The following RGP1 variants were observed in gnomAD, a reference collection of about 807,000 sequenced individuals.
The protein encoded by RGP1 is RAB6A-GEF complex partner protein 2.
Under a neutral mutation model 44.5 loss-of-function variants are expected in RGP1, and 28 were observed. That is an observed-to-expected ratio of 0.63 (90% confidence interval 0.47 to 0.86). RGP1 has a LOEUF of 0.86. Among genes scored for constraint, RGP1 ranks in the 40% least tolerant of loss-of-function variants. The pLI, the probability that RGP1 is intolerant of heterozygous loss-of-function variation, is 0.00. For missense variants in RGP1, 417 were observed against 490.7 expected (o/e 0.85, Z 1.42); for synonymous variants, 212 against 196.7 (o/e 1.08, Z -0.65).
chr9:35,758,023 T>C lies in RGP1; in HGVS notation c.*5149T>C, dbSNP rs939870355. The C allele has an allele frequency of 6.6e-6, 1 of 152,280 alleles. No individual in the cohort carries two copies. Among genetic ancestry groups the C allele is most frequent in the Non-Finnish European group, 1.5e-5 (1 of 68,050 alleles). The allele number at this position is 152,280 out of a possible 1,614,324, so 9.4% of individuals were successfully genotyped here. ...TATGGTATTCAGCCTTTTTCTTGTTTGGCTTTTGTGCCATTTGCCCCTCAC... is the reference window on the plus strand; with the variant it reads ...TATGGTATTCAGCCTTTTTCTTGTTCGGCTTTTGTGCCATTTGCCCCTCAC... On this transcript the variant is annotated 3_prime_UTR_variant, in exon 9 of 9. Transcript: ENST00000378078.
At chr9:35,761,176 C>T (rs1827413216), downstream of RGP1, among the ~76,000 whole-genome samples, 1 of 152,132 alleles carries the variant, frequency 6.6e-6, no homozygotes, top group African/African-American at 2.4e-5. Flanking sequence ...ACTACATTTC[C>T]CTGGGAGTTG....
At position 35,756,196 on chromosome 9, in the gene RGP1, G is replaced by T. The variant is rs1213443731; in HGVS notation, c.*3322G>T. 6.6e-6 allele frequency: 1 copy of T among 152,218 alleles called. No individual in the cohort carries two copies. Among genetic ancestry groups the T allele is most frequent in the Admixed American group, 6.5e-5 (1 of 15,274 alleles). 9.4% of individuals were successfully genotyped at this position (152,218 alleles called of 1,614,324 possible). On this transcript the variant is annotated 3_prime_UTR_variant, in exon 9 of 9. Coordinates refer to ENST00000378078, the MANE Select transcript of RGP1 (RefSeq NM_001080496.3). The stretch of plus-strand genomic sequence containing the variant: ...CCATGTTCTAGGTATTCTCCATAGG[G>T]ATAGTCTCTTTGGCATTTATTTGGT...
chr9:35,774,409 A>G, the RGP1 span, among the ~76,000 whole-genome samples: 1 of 152,226 alleles, frequency 6.6e-6, no homozygotes, highest in Non-Finnish European at 1.5e-5. Flanking sequence ...TTTGGAGGAA[A>G]GGATGTTGCT....
At chr9:35,752,374 G>A (rs1264086026) in intron 8 of RGP1, among the ~76,000 whole-genome samples, 1 of 152,110 alleles carries the variant, frequency 6.6e-6, no homozygotes, top group East Asian at 1.9e-4. Context: ...TACCTACTAG[G>A]ACCCTGTGAT....
Position 35,752,817 on chromosome 9 carries a change from C to T in RGP1, c.1119C>T (p.Ser373=), listed in dbSNP as rs1212276108. The change falls in exon 9 of 9, where the codon AGC becomes AGT. Residue 373 remains serine (S), a synonymous_variant. Coordinates refer to ENST00000378078, the MANE Select transcript of RGP1 (RefSeq NM_001080496.3). ...WDLPIKVLPT[S]PTLASYAAPG... ...TGCCCATCAAGGTGCTGCCTACTAG[C>T]CCCACCCTGGCCTCATATGCTGCCC... The T allele has an allele frequency of 6.2e-7, 1 of 1,613,874 alleles. No homozygotes were observed. The highest frequency in any genetic ancestry group is 2.2e-5 in the East Asian group (1 of 44,868).
At chr9:35,761,978 A>AC (rs1827421972), downstream of RGP1, among the ~76,000 whole-genome samples, 1 of 151,256 alleles carries the variant, frequency 6.6e-6, no homozygotes. Flanking sequence ...ACATGGTAAA[A>AC]CCCCCCATCT....
Position 35,749,493 on chromosome 9 carries a change from T to C in RGP1, c.-20+85T>C, listed in dbSNP as rs1463006658. The C allele has an allele frequency of 1.5e-6, 1 of 657,826 alleles. No individual in the cohort carries two copies. The highest frequency in any genetic ancestry group is 2.0e-5 in the Admixed American group (1 of 50,620). The allele number at this position is 657,826 out of a possible 1,614,324, so 40.7% of individuals were successfully genotyped here. ...GGCCAGTTTGGGAACTCCGCGGGGG[T>C]GCCCAGGGAGAAGAACCCGTCGCAC... is the stretch of plus-strand genomic sequence containing the variant. On this transcript the variant is annotated intron_variant, in intron 1 of 8. Coordinates refer to ENST00000378078, the MANE Select transcript of RGP1 (RefSeq NM_001080496.3). The surrounding 1 kb of genome is among the most constrained non-coding windows in gnomAD (Gnocchi z 4.4).
At chr9:35,750,770 C>G in intron 4 of RGP1, 29 bp downstream of exon 4, 1 of 1,613,792 alleles carries the variant, frequency 6.2e-7, no homozygotes, top group Non-Finnish European at 8.5e-7. Flanking sequence ...CCCTGAATTG[C>G]CTTCTAAGTC....
chr9:35,750,615 C>T, intron 3 of RGP1, 43 bp from the exon 4 acceptor site: 1 of 1,596,140 alleles, frequency 6.3e-7, no homozygotes, highest in Non-Finnish European at 8.6e-7. Context: ...TTGTTCAGTA[C>T]TGGACAATGG....
At chr9:35,789,651 G>A in the RGP1 span, among the ~76,000 whole-genome samples, 4 of 149,618 alleles carry the variant, frequency 2.7e-5, no homozygotes, top group Admixed American at 2.6e-4. Flanking sequence ...TGATGCACTT[G>A]TACTTGCGTA....
chr9:35,753,287 A>T lies in RGP1; in HGVS notation c.*413A>T. 6.2e-7 allele frequency: 1 copy of T among 1,612,534 alleles called. No homozygotes were observed. Among genetic ancestry groups the T allele is most frequent in the Non-Finnish European group, 8.5e-7 (1 of 1,179,770 alleles). On this transcript the variant is annotated 3_prime_UTR_variant, in exon 9 of 9. Transcript: ENST00000378078. The surrounding 1 kb of genome is among the most constrained non-coding windows in gnomAD (Gnocchi z 4.2). ...GTCGATGGGATGCTGGGACCTGGGGAACCAAGGATAGGGGAAGGAGTCAGC... is the reference window on the plus strand; with the variant it reads ...GTCGATGGGATGCTGGGACCTGGGGTACCAAGGATAGGGGAAGGAGTCAGC...
At chr9:35,785,860 C>G in the RGP1 span, among the ~76,000 whole-genome samples, 1 of 152,116 alleles carries the variant, frequency 6.6e-6, no homozygotes, top group African/African-American at 2.4e-5. Flanking sequence ...GTTGTTTCTT[C>G]CCTCAGATTA....
chr9:35,789,080 C>T, the RGP1 span, among the ~76,000 whole-genome samples: 4 of 151,916 alleles, frequency 2.6e-5, no homozygotes, highest in East Asian at 1.9e-4. Flanking sequence ...CACAGTGGCG[C>T]GATCTCTGCT....
At position 35,753,332 on chromosome 9, in the gene RGP1, A is replaced by G; in HGVS notation, c.*458A>G. The G allele has an allele frequency of 6.4e-7, 1 of 1,572,274 alleles. No individual in the cohort carries two copies. Among genetic ancestry groups the G allele is most frequent in the Non-Finnish European group, 8.6e-7 (1 of 1,156,662 alleles). On this transcript the variant is annotated 3_prime_UTR_variant, in exon 9 of 9. Coordinates refer to ENST00000378078, the MANE Select transcript of RGP1 (RefSeq NM_001080496.3). This position sits in a 1 kb window ranked among gnomAD's most constrained non-coding sequence, Gnocchi z 4.2. ...GTCAGCACAGTGAAAGGCTGCCTTT[A>G]TCCCTGCCCACATGTTCCCTCTCTC...
the RGP1 span, among the ~76,000 whole-genome samples, chr9:35,767,355 C>G: frequency 9.2e-6 from 1 of 109,010 alleles, no homozygotes; most frequent in Non-Finnish European, 1.7e-5. Context: ...GATCTCTTTT[C>G]TGATAGCCAG....
chr9:35,775,553 T>A, the RGP1 span, among the ~76,000 whole-genome samples: 2 of 152,206 alleles, frequency 1.3e-5, no homozygotes, highest in Non-Finnish European at 2.9e-5. Flanking sequence ...GGAAGCCATC[T>A]GTGGAGGGAA....
chr9:35,780,282 G>T, the RGP1 span: 3 of 152,134 alleles, frequency 2.0e-5, no homozygotes, highest in African/African-American at 7.2e-5. Flanking sequence ...TTAAGCCATG[G>T]CTTAAGATGA....
rs993609834 is a variant in RGP1 at position 35,749,333 on chromosome 9, C to G, written c.-95C>G. 5.6e-6 allele frequency: 3 copies of G among 531,690 alleles called. No homozygotes were observed. Among genetic ancestry groups the G allele is most frequent in the African/African-American group, 1.9e-5 (1 of 51,962 alleles). 32.9% of individuals were successfully genotyped at this position (531,690 alleles called of 1,614,324 possible). ...CGGACGCCGCCGCCGCCGCCGCCGCCGCGTACCTAGCCAGGTCCCTGAGGG... is the reference window on the plus strand; with the variant it reads ...CGGACGCCGCCGCCGCCGCCGCCGCGGCGTACCTAGCCAGGTCCCTGAGGG... On this transcript the variant is annotated 5_prime_UTR_variant, in exon 1 of 9. Transcript: ENST00000378078. The surrounding 1 kb of genome is among the most constrained non-coding windows in gnomAD (Gnocchi z 4.4).
In RGP1 at chr9:35,753,540, T is replaced by G; in HGVS notation, c.*666T>G. 1.1e-6 allele frequency: 1 copy of G among 886,070 alleles called. No individual in the cohort carries two copies. Among genetic ancestry groups the G allele is most frequent in the Admixed American group, 2.3e-5 (1 of 43,440 alleles). The allele number at this position is 886,070 out of a possible 1,614,324, so 54.9% of individuals were successfully genotyped here. A position where few individuals can be genotyped will look rare whatever the true frequency, so the allele number is the denominator to read the frequency against. ...CACACTAGTGTTGGTCCCTTCAGGT[T>G]TGGCCCATCTTGTATTGCTCTTCTG... On this transcript the variant is annotated 3_prime_UTR_variant, in exon 9 of 9. Transcript: ENST00000378078. The surrounding 1 kb of genome is among the most constrained non-coding windows in gnomAD (Gnocchi z 4.2).
Sources: gnomAD v4.1 joint callset for allele counts (sites outside exome capture counted in the v4.1 genomes callset) on GRCh38, gnomAD v4.1.1 for gene constraint, Gnocchi (gnomAD v3.1) non-coding constraint, MANE v1.5 for transcripts, NCBI Gene and HGNC (gene_info 2026-07-23, HGNC 2026-07-21) for gene names.